Variants in ADAMTS9 observed in about 807,000 individuals in gnomAD.
ADAMTS9 encodes the protein A disintegrin and metalloproteinase with thrombospondin motifs 9.
Under a neutral mutation model 257.1 loss-of-function variants are expected in ADAMTS9, and 107 were observed. The observed-to-expected ratio is 0.42, with a 90% CI of 0.36 to 0.49. The LOEUF is 0.49. Among genes scored for constraint, ADAMTS9 ranks in the 20% least tolerant of loss-of-function variants. The pLI is 0.03. For synonymous variants in ADAMTS9, 982 were observed against 880.9 expected, an observed-to-expected ratio of 1.11 and a Z score of -2.03; for missense variants, 2,353 against 2,469.1, an observed-to-expected ratio of 0.95 and a Z score of 1.00.
At chr3:64,564,830 A>C (rs765736932) in intron 29 of ADAMTS9, among the ~76,000 whole-genome samples, 1 of 152,156 alleles carries the variant, frequency 6.6e-6, no homozygotes, top group Non-Finnish European at 1.5e-5. Context: ...ACTTCCCAAT[A>C]AACCTTTTAG....
intron 38 of ADAMTS9, among the ~76,000 whole-genome samples, chr3:64,526,218 T>A (rs948049451): frequency 6.6e-6 from 1 of 151,612 alleles, no homozygotes; most frequent in Non-Finnish European, 1.5e-5. Flanking sequence ...GTTTGAGGTG[T>A]TGGGTATCCC....
rs202158216 is a variant in ADAMTS9 at position 64,686,955 on chromosome 3, C to A, written c.129G>T (p.Glu43Asp). The A allele has an allele frequency of 8.3e-5, 134 of 1,613,462 alleles. No individual in the cohort carries two copies. Among genetic ancestry groups the A allele is most frequent in the Non-Finnish European group, 1.1e-4 (126 of 1,179,702 alleles). ...RLHPRQVKLLETLSEYEIVSP... is the reference protein window; with the variant it reads ...RLHPRQVKLLDTLSEYEIVSP... ...ACACGATTTCGTATTCGCTCAGGGT[C>A]TCTAATAATTTCACTGCGGAGAGAA... The change falls in exon 2 of 40, where the codon GAG (glutamate) becomes GAT (aspartate). Residue 43 changes from glutamate (E) to aspartate (D), a missense_variant. Coordinates refer to ENST00000498707, the MANE Select transcript of ADAMTS9 (RefSeq NM_182920.2). The surrounding 1 kb of genome is among the most constrained non-coding windows in gnomAD (Gnocchi z 4.6).
Position 64,539,299 on chromosome 3 carries a change from G to T in ADAMTS9, c.5522-5C>A, listed in dbSNP as rs1418200489. Reference sequence around the variant, plus strand: ...TTGCAAACTGTAAGTCAGTGGCTGTGGGGTGGAGAAGGGGTTAAAGGCAGG... The same window carrying T: ...TTGCAAACTGTAAGTCAGTGGCTGTTGGGTGGAGAAGGGGTTAAAGGCAGG... On this transcript the variant is annotated splice_polypyrimidine_tract_variant and splice_region_variant and intron_variant, in intron 36 of 39. Coordinates refer to ENST00000498707, the MANE Select transcript of ADAMTS9 (RefSeq NM_182920.2). 1 of 1,613,422 alleles carries T rather than the reference G, an allele frequency of 6.2e-7. No homozygotes were observed.
chr3:64,604,065 T>C lies in ADAMTS9; in HGVS notation c.3604A>G (p.Thr1202Ala). 1 of 1,614,062 alleles carries C rather than the reference T, an allele frequency of 6.2e-7. No individual in the cohort carries two copies. The highest frequency in any genetic ancestry group is 8.5e-7 in the Non-Finnish European group (1 of 1,179,990). Residue 1202 changes from threonine to alanine, a missense_variant, in exon 25 of 40, where the codon ACC becomes GCC. Physicochemically the swap from Thr to Ala is moderately conservative, Grantham distance 58. Transcript: ENST00000498707. ...CGGCAGCTGACGTATCTCATCCGGG[T>C]ACCTTTCCCACAAGTGGCTGAGCAC... ...TPCSATCGKG[T>A]RMRYVSCRDE...
At chr3:64,674,389 T>C (rs1701575092) in intron 3 of ADAMTS9, among the ~76,000 whole-genome samples, 2 of 152,192 alleles carry the variant, frequency 1.3e-5, no homozygotes, top group Non-Finnish European at 2.9e-5. Context: ...ATAATCAGTC[T>C]TGAGTTGCAG....
intron 16 of ADAMTS9, among the ~76,000 whole-genome samples, chr3:64,631,201 G>C (rs1230173401): frequency 6.6e-6 from 1 of 152,140 alleles, no homozygotes; most frequent in Admixed American, 6.6e-5. Flanking sequence ...ATTTGACTTG[G>C]GGCCTTTCTA....
chr3:64,602,406 CA>C (rs1169929483), intron 25 of ADAMTS9, among the ~76,000 whole-genome samples, 193 bp from the exon 26 acceptor site: 2 of 152,158 alleles, frequency 1.3e-5, no homozygotes, highest in Admixed American at 1.3e-4. Flanking sequence ...GCTCAGTATT[CA>C]AAATCACAAA....
intron 30 of ADAMTS9, among the ~76,000 whole-genome samples, chr3:64,557,719 T>C (rs1304355411): frequency 1.3e-5 from 2 of 152,220 alleles, no homozygotes; most frequent in African/African-American, 4.8e-5. Flanking sequence ...AAGTCTGCCA[T>C]AGAATTCCCA....
chr3:64,619,327 C>A (rs1221418468), intron 19 of ADAMTS9, among the ~76,000 whole-genome samples: 2 of 152,108 alleles, frequency 1.3e-5, no homozygotes, highest in African/African-American at 4.8e-5. Context: ...GGAATTATTT[C>A]TTTTCACAAA....
intron 28 of ADAMTS9, chr3:64,587,224 C>T (rs985941772): frequency 6.6e-6 from 1 of 152,186 alleles, no homozygotes; most frequent in Non-Finnish European, 1.5e-5. Flanking sequence ...TGAAGTTTTC[C>T]AAAACAAAGG....
chr3:64,643,605 A>T (rs926290029), intron 11 of ADAMTS9, among the ~76,000 whole-genome samples: 2 of 151,648 alleles, frequency 1.3e-5, no homozygotes, highest in Admixed American at 6.6e-5. Context: ...GGTGTATGCC[A>T]CCATGCTCAG....
At chr3:64,681,463 C>T (rs1701754831) in intron 2 of ADAMTS9, 100 bp from the exon 3 acceptor site, 3 of 1,287,268 alleles carry the variant, frequency 2.3e-6, no homozygotes, top group Admixed American at 2.6e-5. Context: ...TGTCATTTTA[C>T]CCAATCTCTT....
chr3:64,680,866 A>G (rs1276535319), intron 3 of ADAMTS9, among the ~76,000 whole-genome samples: 1 of 152,204 alleles, frequency 6.6e-6, no homozygotes, highest in Non-Finnish European at 1.5e-5. Flanking sequence ...TGAGGGTGCT[A>G]CTATCATGAC....
At chr3:64,611,075 C>CAAAAAAAAAAAAAAAAAAAAAAAAAAA (rs34998404) in intron 22 of ADAMTS9, among the ~76,000 whole-genome samples, 1 of 72,160 alleles carries the variant, frequency 1.4e-5, no homozygotes, top group Non-Finnish European at 2.7e-5. Context: ...GACTCTGTCT[C>CAAAAAAAAAAAAAAAAAAAAAAAAAAA]AAAAAAAAAA....
At chr3:64,662,433 G>A (rs1481865548) in intron 3 of ADAMTS9, among the ~76,000 whole-genome samples, 1 of 152,048 alleles carries the variant, frequency 6.6e-6, no homozygotes, top group African/African-American at 2.4e-5. Flanking sequence ...ATAGTGTTGG[G>A]CAACTTTTCT....
intron 28 of ADAMTS9, among the ~76,000 whole-genome samples, chr3:64,586,339 C>A (rs4453831): frequency 0.3 from 44,887 of 151,848 alleles, 9,576 homozygotes; most frequent in African/African-American, 0.59. Flanking sequence ...CATTGTGTGA[C>A]AAATTAAGTG....
rs775624310 is a variant in ADAMTS9 at position 64,655,891 on chromosome 3, AT to A, written c.970-17del. ...TAGAGGCTACCTGCAACCGAGATAA[AT>A]TTTTCAAAGTTAATTGTGAACTCCG... On this transcript the variant is annotated splice_polypyrimidine_tract_variant and intron_variant, in intron 4 of 39. Transcript: ENST00000498707. The A allele has an allele frequency of 6.6e-7, 1 of 1,516,636 alleles. No homozygotes were observed. The highest frequency in any genetic ancestry group is 2.2e-5 in the Admixed American group (1 of 44,570). 93.9% of individuals were successfully genotyped at this position (1,516,636 alleles called of 1,614,324 possible).
chr3:64,685,995 C>T (rs545463968), intron 2 of ADAMTS9, among the ~76,000 whole-genome samples: 6 of 152,322 alleles, frequency 3.9e-5, no homozygotes, highest in African/African-American at 1.4e-4. Context: ...GTTCCTGGGA[C>T]GGGACCTGCT....
intron 18 of ADAMTS9, among the ~76,000 whole-genome samples, chr3:64,621,799 G>GA (rs1251160862): frequency 7.0e-6 from 1 of 142,494 alleles, no homozygotes; most frequent in African/African-American, 2.9e-5. Flanking sequence ...AAAATAAAAA[G>GA]AAAAGAAAAA....
Sources: gnomAD v4.1 joint callset for allele counts (sites outside exome capture counted in the v4.1 genomes callset) on GRCh38, gnomAD v4.1.1 for gene constraint, Gnocchi (gnomAD v3.1) non-coding constraint, MANE v1.5 for transcripts, NCBI Gene and HGNC (gene_info 2026-07-23, HGNC 2026-07-21) for gene names.